The following RANBP2 variants were observed in gnomAD, a reference collection of about 807,000 sequenced individuals.
The protein encoded by RANBP2 is RAN binding protein 2.
A neutral mutation model predicts 303.6 loss-of-function variants in RANBP2; 57 were observed. That is an observed-to-expected ratio of 0.19 (90% CI 0.15 to 0.23). RANBP2 has a LOEUF of 0.23. RANBP2 is among the 10% of genes least tolerant of loss of function. The pLI, the probability that RANBP2 is intolerant of heterozygous loss-of-function variation, is 1.00. For synonymous variants in RANBP2, 1,167 were observed against 1,301.5 expected, an observed-to-expected ratio of 0.90 and a Z score of 2.23; for missense variants, 3,138 against 3,780.8, an observed-to-expected ratio of 0.83 and a Z score of 4.46.
the RANBP2 span, chr2:108,804,785 TG>T: frequency 9.0e-7 from 1 of 1,113,142 alleles, no homozygotes; most frequent in Middle Eastern, 2.5e-4. Flanking sequence ...TTAAAGTTTT[TG>T]TGATTGAAGG....
the RANBP2 span, among the ~76,000 whole-genome samples, chr2:108,935,411 C>T: frequency 6.6e-6 from 1 of 152,174 alleles, no homozygotes; most frequent in East Asian, 1.9e-4. Flanking sequence ...GACCTGCTGT[C>T]TGGGATCTGC....
chr2:109,288,948 A>C, the RANBP2 span, among the ~76,000 whole-genome samples: 4 of 152,326 alleles, frequency 2.6e-5, no homozygotes, highest in South Asian at 8.3e-4. Context: ...GCTATGAATA[A>C]ATTGACAAAT....
the RANBP2 span, among the ~76,000 whole-genome samples, chr2:109,355,946 A>G: frequency 6.6e-6 from 1 of 152,146 alleles, no homozygotes. Context: ...AGCCATGAAA[A>G]GTTGCCATTG....
the RANBP2 span, among the ~76,000 whole-genome samples, chr2:109,398,288 A>G: frequency 6.6e-6 from 1 of 152,176 alleles, no homozygotes; most frequent in South Asian, 2.1e-4. Context: ...GGCACCGTGC[A>G]TCCCAGAAAT....
At position 108,765,108 on chromosome 2, in the gene RANBP2, T is replaced by C; in HGVS notation, c.4569T>C (p.Phe1523=). 1 of 1,614,052 alleles carries C rather than the reference T, an allele frequency of 6.2e-7. No individual in the cohort carries two copies. Among genetic ancestry groups the C allele is most frequent in the Non-Finnish European group, 8.5e-7 (1 of 1,179,976 alleles). The change falls in exon 20 of 29, where the codon TTT becomes TTC. Residue 1523 remains phenylalanine, a synonymous_variant. Transcript: ENST00000283195. ...TSIPTPASFK[F]GTSETSKTLK... ...TTCCAACACCTGCCTCTTTTAAGTTTGGTACTTCAGAGACAAGTAAAACTC... is the reference window on the plus strand; with the variant it reads ...TTCCAACACCTGCCTCTTTTAAGTTCGGTACTTCAGAGACAAGTAAAACTC...
At chr2:109,541,952 A>T in the RANBP2 span, among the ~76,000 whole-genome samples, 1 of 152,224 alleles carries the variant, frequency 6.6e-6, no homozygotes, top group African/African-American at 2.4e-5. Flanking sequence ...CAATATAGTG[A>T]TAATAATCCC....
At chr2:108,878,748 ATTGATGGGGCC>A in the RANBP2 span, among the ~76,000 whole-genome samples, 1 of 152,236 alleles carries the variant, frequency 6.6e-6, no homozygotes. Context: ...AAAACTAAGA[ATTGATGGGGCC>A]TTGAGATTGA....
At chr2:109,020,145 T>TCTC in the RANBP2 span, among the ~76,000 whole-genome samples, 1 of 152,320 alleles carries the variant, frequency 6.6e-6, no homozygotes, top group East Asian at 1.9e-4. Flanking sequence ...AGTGTTCTAA[T>TCTC]GGGAGGCATG....
chr2:109,203,295 G>T, the RANBP2 span, among the ~76,000 whole-genome samples: 5 of 152,218 alleles, frequency 3.3e-5, no homozygotes, highest in Admixed American at 3.3e-4. Flanking sequence ...GCTACAGGTG[G>T]CTCTCTCAGG....
chr2:109,518,826 C>T, the RANBP2 span, among the ~76,000 whole-genome samples: 1 of 151,688 alleles, frequency 6.6e-6, no homozygotes, highest in African/African-American at 2.4e-5. Context: ...TCTGGGGAGG[C>T]CTCAGGAAAC....
chr2:109,264,128 A>T, the RANBP2 span, among the ~76,000 whole-genome samples: 1 of 152,046 alleles, frequency 6.6e-6, no homozygotes, highest in Non-Finnish European at 1.5e-5. Context: ...CCTCCCCAGG[A>T]TCCACCTCGA....
the RANBP2 span, among the ~76,000 whole-genome samples, chr2:109,549,311 C>T: frequency 6.6e-6 from 1 of 152,138 alleles, no homozygotes; most frequent in African/African-American, 2.4e-5. Context: ...TTGCATACCT[C>T]ACATGAATAT....
the RANBP2 span, among the ~76,000 whole-genome samples, chr2:109,077,137 G>A: frequency 6.6e-6 from 1 of 150,586 alleles, no homozygotes; most frequent in Non-Finnish European, 1.5e-5. Flanking sequence ...ACACAATGGG[G>A]AAAGATAGTC....
At chr2:109,170,470 TG>T in the RANBP2 span, among the ~76,000 whole-genome samples, 1 of 151,936 alleles carries the variant, frequency 6.6e-6, no homozygotes, top group Admixed American at 6.6e-5. Flanking sequence ...CTCAGCCTCC[TG>T]AGTAGCTGGG....
At chr2:109,705,180 G>A in the RANBP2 span, among the ~76,000 whole-genome samples, 5 of 151,950 alleles carry the variant, frequency 3.3e-5, no homozygotes, top group Admixed American at 2.0e-4. Flanking sequence ...TGAGGCGGGC[G>A]GATCCCCTGA....
At chr2:109,675,439 T>C in the RANBP2 span, among the ~76,000 whole-genome samples, 1 of 152,148 alleles carries the variant, frequency 6.6e-6, no homozygotes, top group African/African-American at 2.4e-5. Flanking sequence ...CCCAGCACTT[T>C]GGGAGGCTGA....
the RANBP2 span, among the ~76,000 whole-genome samples, chr2:109,476,686 G>A: frequency 3.7e-4 from 57 of 152,328 alleles, no homozygotes; most frequent in African/African-American, 1.2e-3. Flanking sequence ...AAAGAATTCA[G>A]GGTGAGTCTG....
chr2:109,565,057 T>C, the RANBP2 span, among the ~76,000 whole-genome samples: 1 of 152,214 alleles, frequency 6.6e-6, no homozygotes, highest in African/African-American at 2.4e-5. Flanking sequence ...ACTTACATGA[T>C]CCTTCTTCTA....
chr2:109,045,414 A>T, the RANBP2 span, among the ~76,000 whole-genome samples: 17 of 152,170 alleles, frequency 1.1e-4, no homozygotes, highest in Non-Finnish European at 2.4e-4. Context: ...GGCCCAGAGG[A>T]CTGTTAGCCC....
Sources: gnomAD v4.1 joint callset for allele counts (sites outside exome capture counted in the v4.1 genomes callset) on GRCh38, gnomAD v4.1.1 for gene constraint, MANE v1.5 for transcripts, NCBI Gene and HGNC (gene_info 2026-07-23, HGNC 2026-07-21) for gene names.